The following IPMK variants were observed in gnomAD, a reference collection of about 807,000 sequenced individuals.
The protein encoded by IPMK is inositol polyphosphate multikinase.
In IPMK, 17 loss-of-function variants were observed where a neutral mutation model predicts 45.8. The ratio of observed to expected loss-of-function variants is 0.37; its 90% confidence interval spans 0.25 to 0.56. The LOEUF (loss-of-function observed/expected upper bound fraction) is 0.56. Ranked by LOEUF, IPMK falls within the 20% of genes least tolerant of loss-of-function variation. The pLI, the probability that IPMK is intolerant of heterozygous loss-of-function variation, is 0.79. For missense variants in IPMK, 399 were observed against 498.0 expected, an observed-to-expected ratio of 0.80 and a Z score of 1.89; for synonymous variants, 180 against 184.3, an observed-to-expected ratio of 0.98 and a Z score of 0.19.
chr10:58,216,703 T>C (rs1259568479), intron 3 of IPMK, among the ~76,000 whole-genome samples: 1 of 152,190 alleles, frequency 6.6e-6, no homozygotes, highest in East Asian at 1.9e-4. Context: ...TTTTAAAAAT[T>C]GATTCATTTA....
chr10:58,241,510 T>C (rs1838696777), intron 1 of IPMK, among the ~76,000 whole-genome samples: 1 of 152,290 alleles, frequency 6.6e-6, no homozygotes, highest in East Asian at 1.9e-4. Context: ...ATTTCAAATC[T>C]GTGGTGCACT....
chr10:58,252,169 C>T (rs1012740813), intron 1 of IPMK, among the ~76,000 whole-genome samples: 1 of 152,076 alleles, frequency 6.6e-6, no homozygotes, highest in African/African-American at 2.4e-5. Flanking sequence ...GTGGTTACCA[C>T]GAGGCTTATA....
At chr10:58,237,184 T>G (rs552379423) in intron 2 of IPMK, among the ~76,000 whole-genome samples, 6 of 152,302 alleles carry the variant, frequency 3.9e-5, no homozygotes, top group African/African-American at 1.4e-4. Context: ...TGAGATCCCT[T>G]GCCCTCTTGC....
chr10:58,222,936 G>C (rs1838359015), intron 3 of IPMK, among the ~76,000 whole-genome samples: 6 of 152,176 alleles, frequency 3.9e-5, no homozygotes, highest in Admixed American at 2.0e-4. Flanking sequence ...TCATAAGTGG[G>C]AGCTAAACTT....
At chr10:58,205,459 A>T (rs570150588) in intron 4 of IPMK, among the ~76,000 whole-genome samples, 27 of 152,318 alleles carry the variant, frequency 1.8e-4, no homozygotes, top group Admixed American at 3.3e-4. Flanking sequence ...AACCACAAGG[A>T]GATGCTACTC....
At chr10:58,264,182 A>G (rs960110759) in intron 1 of IPMK, among the ~76,000 whole-genome samples, 1 of 152,250 alleles carries the variant, frequency 6.6e-6, no homozygotes, top group Non-Finnish European at 1.5e-5. Context: ...TAGTATTAAC[A>G]TGTAAAGTGG....
In IPMK at chr10:58,195,961, C is replaced by G; in HGVS notation, c.*115G>C. 1.0e-6 allele frequency: 1 copy of G among 976,198 alleles called. No homozygotes were observed. The highest frequency in any genetic ancestry group is 1.5e-6 in the Non-Finnish European group (1 of 653,014). 60.5% of individuals were successfully genotyped at this position (976,198 alleles called of 1,614,324 possible). ...AACCATTCTTCCAAAAGTATAAAGA[C>G]AAATAAAATGTCGACTCATAATACA... On this transcript the variant is annotated 3_prime_UTR_variant, in exon 6 of 6. Transcript: ENST00000373935.
At chr10:58,214,208 TCAGAGGGCGTA>T (rs545922128) in intron 4 of IPMK, among the ~76,000 whole-genome samples, 156 of 152,198 alleles carry the variant, frequency 1.0e-3, no homozygotes, top group Non-Finnish European at 1.7e-3. Flanking sequence ...GGAATGAGAT[TCAGAGGGCGTA>T]CAGAGGAACT....
chr10:58,199,041 C>A (rs1837958664), intron 5 of IPMK, among the ~76,000 whole-genome samples, 199 bp downstream of exon 5: 1 of 151,768 alleles, frequency 6.6e-6, no homozygotes, highest in African/African-American at 2.4e-5. Context: ...TAACAGAGGG[C>A]CATTCATAGT....
rs775111921 is a variant in IPMK at position 58,267,580 on chromosome 10, A to C, written c.32T>G (p.Val11Gly). Residue 11 changes from valine (V) to glycine (G), a missense_variant, in exon 1 of 6, where the codon GTC becomes GGC. Physicochemically the swap from Val to Gly is moderately radical, Grantham distance 109 (BLOSUM62 -3). Around this residue, in one of 2 missense-constraint regions of IPMK, gnomAD observed 111 missense variants for 99.9 expected, o/e 1.11. Coordinates refer to ENST00000373935, the MANE Select transcript of IPMK (RefSeq NM_152230.5). ...CATTTCTGGGGGGCCCGGCGCCTCG[A>C]CCCGGAGGGGGGATGGTGGCTCTGT... MATEPPSPLR[V>G]EAPGPPEMRT... is the part of the protein sequence containing the mutation. 3 of 1,605,908 alleles carry C rather than the reference A, an allele frequency of 1.9e-6. No individual in the cohort carries two copies. The East Asian group carries it at 6.7e-5, about 36-fold the overall frequency.
chr10:58,246,341 G>A (rs1013209156), intron 1 of IPMK, among the ~76,000 whole-genome samples: 4 of 147,552 alleles, frequency 2.7e-5, no homozygotes, highest in Non-Finnish European at 4.4e-5. Context: ...AGTCCGCATC[G>A]CCAAGTCAAT....
chr10:58,227,678 T>TA (rs985436864), intron 2 of IPMK, among the ~76,000 whole-genome samples: 13 of 151,936 alleles, frequency 8.6e-5, no homozygotes, highest in Admixed American at 4.6e-4. Flanking sequence ...TTATCTTTTT[T>TA]AAAAAAAATC....
chr10:58,258,870 C>A (rs1839013725), intron 1 of IPMK, among the ~76,000 whole-genome samples: 1 of 151,950 alleles, frequency 6.6e-6, no homozygotes. Context: ...AAGAAATGGA[C>A]AACGAAGAAA....
chr10:58,216,798 A>G (rs1296813555), intron 3 of IPMK, among the ~76,000 whole-genome samples: 1 of 152,212 alleles, frequency 6.6e-6, no homozygotes, highest in African/African-American at 2.4e-5. Context: ...CCAAATGATG[A>G]TAATTGTCAA....
intron 4 of IPMK, among the ~76,000 whole-genome samples, chr10:58,211,919 A>AAAAAAATAAAAT (rs1554823053): frequency 1.1e-4 from 17 of 148,284 alleles, no homozygotes; most frequent in African/African-American, 4.4e-4. Context: ...AAAAAAAAAA[A>AAAAAAATAAAAT]AAAAAATTTG....
intron 2 of IPMK, among the ~76,000 whole-genome samples, 150 bp downstream of exon 2, chr10:58,237,574 ATACAG>A (rs1163613704): frequency 6.6e-6 from 1 of 152,254 alleles, no homozygotes; most frequent in Non-Finnish European, 1.5e-5. Context: ...ACTGCATCAC[ATACAG>A]TAAAGATACG....
intron 3 of IPMK, among the ~76,000 whole-genome samples, chr10:58,222,398 C>A (rs1487959219): frequency 6.6e-6 from 1 of 152,056 alleles, no homozygotes; most frequent in Non-Finnish European, 1.5e-5. Flanking sequence ...GTGTGTGTAT[C>A]ATAAAGATAG....
intron 4 of IPMK, among the ~76,000 whole-genome samples, chr10:58,215,770 A>G (rs1311604803): frequency 6.6e-6 from 1 of 152,156 alleles, no homozygotes; most frequent in Non-Finnish European, 1.5e-5. Flanking sequence ...ATGACTGAAT[A>G]TATATATTTA....
chr10:58,193,916 A>G lies in IPMK; in HGVS notation c.*2160T>C, dbSNP rs2132138662. The G allele has an allele frequency of 6.6e-6, 1 of 152,000 alleles. No individual in the cohort carries two copies. Among genetic ancestry groups the G allele is most frequent in the Non-Finnish European group, 1.5e-5 (1 of 67,728 alleles). 9.4% of individuals were successfully genotyped at this position (152,000 alleles called of 1,614,324 possible). A position where few individuals can be genotyped will look rare whatever the true frequency, so the allele number is the denominator to read the frequency against. ...CCTACTTATAAAGCAACATAAAATG[A>G]GCATTGGATAACAATGATAACAAAT... is the stretch of plus-strand genomic sequence containing the variant. On this transcript the variant is annotated 3_prime_UTR_variant, in exon 6 of 6. Coordinates refer to ENST00000373935, the MANE Select transcript of IPMK (RefSeq NM_152230.5).
Sources: allele counts gnomAD v4.1 joint callset (sites outside exome capture counted in the v4.1 genomes callset), GRCh38; gene constraint gnomAD v4.1.1; regional missense constraint gnomAD v4.1.1; transcripts MANE v1.5; gene names NCBI Gene and HGNC (gene_info 2026-07-23, HGNC 2026-07-21).